ANO2: variants seen among roughly 807,000 people sequenced by gnomAD.
ANO2 encodes the protein anoctamin 2, also known as anoctamin-2.
Under a neutral mutation model 124.2 loss-of-function variants are expected in ANO2, and 101 were observed. The observed-to-expected ratio is 0.81, with a 90% CI of 0.69 to 0.96. The LOEUF (loss-of-function observed/expected upper bound fraction) is 0.96, where lower values mean the gene tolerates loss of function less well. ANO2 is among the 40% of genes least tolerant of loss of function. ANO2 has a pLI of 0.00. For missense variants in ANO2, 1,293 were observed against 1,274.5 expected (o/e 1.01, Z -0.22); for synonymous variants, 486 against 482.5 (o/e 1.01, Z -0.09).
intron 1 of ANO2, among the ~76,000 whole-genome samples, chr12:5,940,884 T>C (rs1942867037): frequency 6.6e-6 from 1 of 152,114 alleles, no homozygotes; most frequent in South Asian, 2.1e-4. Flanking sequence ...ATAAACAAAA[T>C]GTAGCCTATC....
At chr12:5,873,314 T>C (rs1253341261) in intron 3 of ANO2, among the ~76,000 whole-genome samples, 2 of 151,528 alleles carry the variant, frequency 1.3e-5, no homozygotes, top group African/African-American at 4.8e-5. Flanking sequence ...TCTGGCCTCA[T>C]GTTGCTCTCT....
Position 5,925,975 on chromosome 12 carries a change from G to A in ANO2, c.23-3171C>T, listed in dbSNP as rs1942060570. ...AACTCTTGCTCTCCTGCAGGCACCA[G>A]GTCCACACATTCCCCTGCCTGCTCA... On this transcript the variant is annotated intron_variant, in intron 1 of 24. Transcript: ENST00000682330. This position sits in a 1 kb window ranked among gnomAD's most constrained non-coding sequence, Gnocchi z 4.6. Among the ~76,000 whole-genome samples the A allele has an allele frequency of 6.6e-6, 1 of 152,186 alleles. No homozygotes were observed. The highest frequency in any genetic ancestry group is 1.5e-5 in the Non-Finnish European group (1 of 68,034).
intron 9 of ANO2, among the ~76,000 whole-genome samples, chr12:5,804,892 T>C (rs761552307): frequency 6.6e-6 from 1 of 151,886 alleles, no homozygotes; most frequent in East Asian, 1.9e-4. Context: ...ACACAGGCAA[T>C]GGATGGTGAT....
chr12:5,632,560 C>T (rs1280471088), intron 16 of ANO2, among the ~76,000 whole-genome samples: 1 of 152,166 alleles, frequency 6.6e-6, no homozygotes, highest in East Asian at 1.9e-4. Flanking sequence ...TCTAACAGCC[C>T]AGGGTAGCCG....
intron 7 of ANO2, among the ~76,000 whole-genome samples, chr12:5,821,493 G>A (rs113279157): frequency 0.036 from 5,475 of 152,316 alleles, 148 homozygotes; most frequent in African/African-American, 0.066. Flanking sequence ...TGTGCAAGCT[G>A]TTCTGTCACT....
chr12:5,754,663 A>G lies in ANO2; in HGVS notation c.1056-3693T>C, dbSNP rs73253268. On this transcript the variant is annotated intron_variant, in intron 10 of 24. Transcript: ENST00000682330. ...AGGCTTCCTATTTATCCTTGATTCA[A>G]TCTTGTTGATTATATGGTTCTAAGC... 7.1e-3 allele frequency among the ~76,000 whole-genome samples: 1,076 copies of G among 152,142 alleles called. 14 individuals are homozygous for G. The highest frequency in any genetic ancestry group is 0.025 in the African/African-American group (1,018 of 41,524).
chr12:5,731,606 T>C (rs985801276), intron 14 of ANO2, among the ~76,000 whole-genome samples: 5 of 151,580 alleles, frequency 3.3e-5, no homozygotes, highest in Admixed American at 6.6e-5. Flanking sequence ...TCTCTCTCTC[T>C]CCCCACCCCT....
At chr12:5,808,574 C>T (rs749841201) in intron 7 of ANO2, among the ~76,000 whole-genome samples, 1 of 152,122 alleles carries the variant, frequency 6.6e-6, no homozygotes, top group Admixed American at 6.5e-5. Context: ...CCTTGTCTCG[C>T]ACTTACTTTC....
chr12:5,663,166 C>T (rs393179), intron 14 of ANO2, among the ~76,000 whole-genome samples: 60,201 of 152,124 alleles, frequency 0.4, 13,112 homozygotes, highest in African/African-American at 0.55. Flanking sequence ...TGTCCAGCAG[C>T]CTGCCCTGTC....
chr12:5,770,174 T>C (rs1026420764), intron 10 of ANO2, among the ~76,000 whole-genome samples: 2 of 152,166 alleles, frequency 1.3e-5, no homozygotes. Context: ...CAGGAGTTCA[T>C]AGCACTGGAA....
At chr12:5,805,931 T>TA (rs1953176434) in intron 9 of ANO2, 121 bp downstream of exon 9, 1 of 982,948 alleles carries the variant, frequency 1.0e-6, no homozygotes, top group South Asian at 1.8e-5. Flanking sequence ...GGGGAGCTGG[T>TA]AAAATTGTTG....
chr12:5,726,026 C>T (rs1385903961), intron 14 of ANO2, among the ~76,000 whole-genome samples: 1 of 151,916 alleles, frequency 6.6e-6, no homozygotes, highest in East Asian at 1.9e-4. Flanking sequence ...CAACTTAGAG[C>T]TTTACCATCT....
chr12:5,745,868 G>A (rs1028354679), intron 11 of ANO2, among the ~76,000 whole-genome samples: 4 of 152,212 alleles, frequency 2.6e-5, no homozygotes, highest in Non-Finnish European at 5.9e-5. Flanking sequence ...TCTGCTGGGT[G>A]ACTAGAGAGC....
intron 3 of ANO2, among the ~76,000 whole-genome samples, chr12:5,865,690 C>T (rs1353838104): frequency 3.3e-5 from 5 of 151,896 alleles, no homozygotes; most frequent in Non-Finnish European, 7.4e-5. Context: ...ATCATGCCAC[C>T]ACAGCATTAT....
rs1322419570 is a variant in ANO2 at position 5,682,464 on chromosome 12, C to T, written c.1546-34663G>A. Among the ~76,000 whole-genome samples the T allele has an allele frequency of 2.6e-5, 4 of 152,120 alleles. No homozygotes were observed. In the East Asian group the frequency reaches 7.7e-4, roughly 29 times the overall value. ...TCAGTGGTGACAATGGGGCTGGAGG[C>T]CTGGGTAGTAATGGGTCTGAGATAA... On this transcript the variant is annotated intron_variant, in intron 14 of 24. Coordinates refer to ENST00000682330, the MANE Select transcript of ANO2 (RefSeq NM_001364791.2).
intron 7 of ANO2, among the ~76,000 whole-genome samples, chr12:5,826,476 A>ATATATATATC (rs1427598442): frequency 6.8e-6 from 1 of 146,570 alleles, no homozygotes; most frequent in African/African-American, 2.6e-5. Flanking sequence ...ATATATATAT[A>ATATATATATC]TCCTTGATAT....
At chr12:5,937,682 G>A (rs1043955532) in intron 1 of ANO2, among the ~76,000 whole-genome samples, 4 of 151,912 alleles carry the variant, frequency 2.6e-5, no homozygotes, top group Non-Finnish European at 4.4e-5. Context: ...GTTCAACTAT[G>A]AGCTGATCAC....
intron 20 of ANO2, among the ~76,000 whole-genome samples, chr12:5,589,924 A>T (rs1207900409): frequency 6.6e-6 from 1 of 152,134 alleles, no homozygotes; most frequent in East Asian, 1.9e-4. Context: ...GGAGCACGGG[A>T]ACCCTGATGG....
intron 20 of ANO2, among the ~76,000 whole-genome samples, chr12:5,584,859 G>A (rs1218642790): frequency 4.6e-5 from 7 of 152,130 alleles, no homozygotes; most frequent in African/African-American, 9.7e-5. Context: ...AGTTCTCAAC[G>A]TCCATCACTC....
Sources: gnomAD v4.1 joint callset for allele counts (sites outside exome capture counted in the v4.1 genomes callset) on GRCh38, gnomAD v4.1.1 for gene constraint, Gnocchi (gnomAD v3.1) non-coding constraint, MANE v1.5 for transcripts, NCBI Gene and HGNC (gene_info 2026-07-23, HGNC 2026-07-21) for gene names.